Variants in CACNA1E observed in about 807,000 individuals in gnomAD.
CACNA1E encodes voltage-dependent R-type calcium channel subunit alpha-1E.
A neutral mutation model predicts 259.2 loss-of-function variants in CACNA1E; 40 were observed. That is an observed-to-expected ratio of 0.15 (90% CI 0.12 to 0.20). The LOEUF is 0.20. CACNA1E is among the 10% of genes least tolerant of loss of function. CACNA1E has a pLI of 1.00. For synonymous variants in CACNA1E, 1,104 were observed against 1,138.5 expected, an observed-to-expected ratio of 0.97 and a Z score of 0.61; for missense variants, 1,874 against 3,040.1, an observed-to-expected ratio of 0.62 and a Z score of 9.02.
At chr1:181,746,859 C>A (rs1343677193) in intron 25 of CACNA1E, among the ~76,000 whole-genome samples, 1 of 152,214 alleles carries the variant, frequency 6.6e-6, no homozygotes, top group Non-Finnish European at 1.5e-5. Flanking sequence ...GAGTCAGGCA[C>A]ATTTAGGCCT....
intron 1 of CACNA1E, among the ~76,000 whole-genome samples, chr1:181,509,603 C>A (rs1665998097): frequency 6.6e-6 from 1 of 152,204 alleles, no homozygotes; most frequent in Admixed American, 6.5e-5. Context: ...TTCCCTCTTT[C>A]TCTTCTGAGA....
At chr1:181,557,565 C>T (rs112661800) in intron 3 of CACNA1E, among the ~76,000 whole-genome samples, 23 of 152,320 alleles carry the variant, frequency 1.5e-4, no homozygotes, top group African/African-American at 5.3e-4. Context: ...CTTTTCACCC[C>T]AGTGATTGCC....
chr1:181,374,339 T>C (rs577276585), intron 1 of CACNA1E, among the ~76,000 whole-genome samples: 9 of 152,202 alleles, frequency 5.9e-5, no homozygotes, highest in Non-Finnish European at 8.8e-5. Context: ...TACTGATTTC[T>C]ATTTTTGTTG....
chr1:181,715,382 G>T lies in CACNA1E; in HGVS notation c.1216G>T (p.Ala406Ser). The change falls in exon 9 of 48, where the codon GCC (alanine) becomes TCC (serine). Residue 406 changes from alanine to serine, a missense_variant. Physicochemically the swap from Ala to Ser is moderately conservative, Grantham distance 99. Around this residue, in one of 14 missense-constraint regions of CACNA1E, gnomAD observed 157 missense variants for 203.5 expected, o/e 0.77. Transcript: ENST00000367573. ...AEENKNAGTS[A>S]LEVLRRATIK... ...AGAAAATAAAAATGCTGGAACATCC[G>T]CCTTAGAAGGTAAGGAAATGTTCTG... 2 of 1,589,722 alleles carry T rather than the reference G, an allele frequency of 1.3e-6. No individual in the cohort carries two copies. The highest frequency in any genetic ancestry group is 1.7e-5 in the Admixed American group (1 of 59,134).
intron 1 of CACNA1E, among the ~76,000 whole-genome samples, chr1:181,396,853 T>C (rs1557969737): frequency 6.6e-6 from 1 of 152,072 alleles, no homozygotes; most frequent in Admixed American, 6.5e-5. Context: ...AGGAGAGAAA[T>C]CTTAAAATTG....
intron 26 of CACNA1E, among the ~76,000 whole-genome samples, chr1:181,751,215 T>C (rs1213253338): frequency 6.6e-6 from 1 of 152,168 alleles, no homozygotes; most frequent in African/African-American, 2.4e-5. Context: ...TCTCAGGGGA[T>C]GAACAGAGAA....
intron 1 of CACNA1E, among the ~76,000 whole-genome samples, chr1:181,498,389 G>A (rs112606243): frequency 0.049 from 7,525 of 152,190 alleles, 586 homozygotes; most frequent in African/African-American, 0.17. Flanking sequence ...AGCTGCTAGC[G>A]AATCCAACTG....
intron 2 of CACNA1E, among the ~76,000 whole-genome samples, chr1:181,434,324 A>AT (rs1208526345): frequency 3.3e-5 from 5 of 152,052 alleles, no homozygotes; most frequent in African/African-American, 1.2e-4. Flanking sequence ...AAGTGGCTTA[A>AT]TTTTTTTTAC....
intron 6 of CACNA1E, among the ~76,000 whole-genome samples, chr1:181,636,896 G>T (rs1657263711): frequency 6.6e-6 from 1 of 152,196 alleles, no homozygotes. Flanking sequence ...AGCATTATCA[G>T]AGCGTTTCCT....
chr1:181,501,946 C>T (rs1341336165), intron 1 of CACNA1E, among the ~76,000 whole-genome samples: 1 of 151,278 alleles, frequency 6.6e-6, no homozygotes, highest in East Asian at 1.9e-4. Context: ...GTTTTTTAGT[C>T]TTTTTTTTTA....
chr1:181,785,172 C>A, intron 41 of CACNA1E, 146 bp from the exon 42 acceptor site: 1 of 647,718 alleles, frequency 1.5e-6, no homozygotes, highest in South Asian at 1.8e-5. Flanking sequence ...GATCCTGGCA[C>A]CATGGGGGCC....
chr1:181,621,626 G>T (rs1655725885), intron 6 of CACNA1E, among the ~76,000 whole-genome samples: 1 of 152,308 alleles, frequency 6.6e-6, no homozygotes, highest in Non-Finnish European at 1.5e-5. Context: ...ACAGAACATA[G>T]ATAAGCAGAA....
intron 2 of CACNA1E, among the ~76,000 whole-genome samples, chr1:181,452,606 G>C (rs1329551110): frequency 6.6e-6 from 1 of 152,166 alleles, no homozygotes; most frequent in African/African-American, 2.4e-5. Flanking sequence ...ATGTCAGCCT[G>C]TTTTGGAAGG....
intron 38 of CACNA1E, among the ~76,000 whole-genome samples, chr1:181,779,819 TAC>T (rs56301632): frequency 0.49 from 72,485 of 148,184 alleles, 17,548 homozygotes; most frequent in East Asian, 0.63. Flanking sequence ...TATGCACATG[TAC>T]ACACACACAC....
intron 7 of CACNA1E, among the ~76,000 whole-genome samples, chr1:181,703,401 G>A (rs1312599044): frequency 6.6e-6 from 1 of 152,142 alleles, no homozygotes; most frequent in Non-Finnish European, 1.5e-5. Context: ...ATCACACCAC[G>A]ATGGAGCTAG....
chr1:181,455,283 G>T (rs1458567007), intron 2 of CACNA1E, among the ~76,000 whole-genome samples: 6 of 152,162 alleles, frequency 3.9e-5, no homozygotes, highest in Non-Finnish European at 2.9e-5. Flanking sequence ...AGAGTGAAGG[G>T]GAGGAGCAAT....
intron 1 of CACNA1E, among the ~76,000 whole-genome samples, chr1:181,355,188 G>T (rs1011371050): frequency 2.0e-5 from 3 of 152,180 alleles, no homozygotes; most frequent in African/African-American, 7.2e-5. Context: ...CTAATTGGGA[G>T]ACCCAAAGCA....
In CACNA1E at chr1:181,762,559, G is replaced by A. The variant is rs1245695323; in HGVS notation, c.4606-15G>A. 5.3e-6 allele frequency: 8 copies of A among 1,498,902 alleles called. No individual in the cohort carries two copies. The East Asian group carries it at 1.8e-4, about 34-fold the overall frequency. 92.9% of individuals were successfully genotyped at this position (1,498,902 alleles called of 1,614,324 possible). A position where few individuals can be genotyped will look rare whatever the true frequency, so the allele number is the denominator to read the frequency against. ...TTCCTTTTCTGATGTTCCTATGACT[G>A]AATTCATTTGGCAGAACTATTTCCG... On this transcript the variant is annotated splice_polypyrimidine_tract_variant and intron_variant, in intron 32 of 47. Transcript: ENST00000367573.
At chr1:181,696,624 T>C (rs1651737168) in intron 7 of CACNA1E, among the ~76,000 whole-genome samples, 1 of 152,180 alleles carries the variant, frequency 6.6e-6, no homozygotes, top group Admixed American at 6.6e-5. Context: ...TCAGCCTTCC[T>C]GTAAGTGGAG....
Sources: gnomAD v4.1 joint callset for allele counts (sites outside exome capture counted in the v4.1 genomes callset) on GRCh38, gnomAD v4.1.1 for gene constraint, gnomAD v4.1.1 regional missense constraint, MANE v1.5 for transcripts, NCBI Gene and HGNC (gene_info 2026-07-23, HGNC 2026-07-21) for gene names.